The following GAREM1 variants were observed in gnomAD, a reference collection of about 807,000 sequenced individuals.
GAREM1 encodes the protein GRB2 associated regulator of MAPK1 subtype 1, also known as GRB2-associated and regulator of MAPK protein 1.
A neutral mutation model predicts 71.3 loss-of-function variants in GAREM1; 26 were observed. The ratio of observed to expected loss-of-function variants is 0.36; its 90% CI spans 0.27 to 0.51. The LOEUF is 0.51. Among genes scored for constraint, GAREM1 ranks in the 20% least tolerant of loss-of-function variants. The pLI, the probability that GAREM1 is intolerant of heterozygous loss-of-function variation, is 0.95. For missense variants in GAREM1, 1,026 were observed against 1,103.1 expected, an observed-to-expected ratio of 0.93 and a Z score of 0.99; for synonymous variants, 440 against 433.2, an observed-to-expected ratio of 1.02 and a Z score of -0.20.
intron 1 of GAREM1, among the ~76,000 whole-genome samples, chr18:32,424,555 T>C (rs752830476): frequency 1.3e-5 from 2 of 152,160 alleles, no homozygotes; most frequent in Non-Finnish European, 2.9e-5. Context: ...GTCTGATACA[T>C]TTCAAACCAA....
chr18:32,333,133 A>G (rs1480975025), intron 2 of GAREM1, among the ~76,000 whole-genome samples: 1 of 151,520 alleles, frequency 6.6e-6, no homozygotes, highest in African/African-American at 2.4e-5. Flanking sequence ...CAGGAGGGTT[A>G]GGTTTTCTGT....
intron 1 of GAREM1, among the ~76,000 whole-genome samples, chr18:32,396,193 TA>T (rs958719557): frequency 5.9e-5 from 9 of 151,956 alleles, no homozygotes; most frequent in African/African-American, 2.2e-4. Flanking sequence ...CAAAAGTAGA[TA>T]AAACCACAAA....
At chr18:32,361,920 A>G (rs1367719228) in intron 2 of GAREM1, among the ~76,000 whole-genome samples, 5 of 152,228 alleles carry the variant, frequency 3.3e-5, no homozygotes, top group Admixed American at 3.3e-4. Flanking sequence ...ATATCTTTAC[A>G]TGAGTGTGTA....
chr18:32,452,892 T>C (rs1030465471), intron 1 of GAREM1, among the ~76,000 whole-genome samples: 4 of 151,476 alleles, frequency 2.6e-5, no homozygotes, highest in South Asian at 2.1e-4. Flanking sequence ...TTATTAACTA[T>C]AGGGTAGCAA....
chr18:32,352,374 C>T (rs776957888), intron 2 of GAREM1, among the ~76,000 whole-genome samples: 1 of 152,182 alleles, frequency 6.6e-6, no homozygotes, highest in East Asian at 1.9e-4. Context: ...CATCCTGCCT[C>T]GCTGGCCTGA....
chr18:32,462,245 C>T lies in GAREM1; in HGVS notation c.121+8063G>A, dbSNP rs572930732. Among the ~76,000 whole-genome samples the T allele has an allele frequency of 2.6e-5, 4 of 152,346 alleles. No individual in the cohort carries two copies. The South Asian group carries it at 6.2e-4, about 24-fold the overall frequency. ...TGAAATTTACACTCTTACATTCCCA[C>T]CAACAGTATGTAAAGGTTCCCTTTT... On this transcript the variant is annotated intron_variant, in intron 1 of 5. Transcript: ENST00000269209.
chr18:32,418,739 C>T (rs973724961), intron 1 of GAREM1, among the ~76,000 whole-genome samples: 1 of 152,088 alleles, frequency 6.6e-6, no homozygotes, highest in African/African-American at 2.4e-5. Flanking sequence ...GAGTAGGGTT[C>T]TCTTTCATTT....
chr18:32,304,352 AGAGT>A (rs896339912), intron 3 of GAREM1, among the ~76,000 whole-genome samples: 2 of 152,092 alleles, frequency 1.3e-5, no homozygotes, highest in African/African-American at 2.4e-5. Flanking sequence ...AGAAAAAGAA[AGAGT>A]AAGTGAAATA....
intron 1 of GAREM1, among the ~76,000 whole-genome samples, chr18:32,394,208 T>C (rs2048229724): frequency 6.6e-6 from 1 of 152,112 alleles, no homozygotes; most frequent in Non-Finnish European, 1.5e-5. Flanking sequence ...GAGACATGCC[T>C]GGGCAACATG....
intron 4 of GAREM1, among the ~76,000 whole-genome samples, chr18:32,272,627 CTTT>C (rs549844914): frequency 6.9e-6 from 1 of 144,046 alleles, no homozygotes; most frequent in Non-Finnish European, 1.5e-5. Flanking sequence ...ATTCTGGGGT[CTTT>C]TTTTTTTTTG....
chr18:32,284,894 C>T (rs1230799282), intron 4 of GAREM1, among the ~76,000 whole-genome samples: 2 of 151,848 alleles, frequency 1.3e-5, no homozygotes, highest in Non-Finnish European at 2.9e-5. Flanking sequence ...GGACTACAGG[C>T]GCCCGCCACC....
At position 32,427,305 on chromosome 18, in the gene GAREM1, G is replaced by A. The variant is rs146899419; in HGVS notation, c.122-34270C>T. On this transcript the variant is annotated intron_variant, in intron 1 of 5. Coordinates refer to ENST00000269209, the MANE Select transcript of GAREM1 (RefSeq NM_001242409.2). ...TTCTTTTCCAGGAAACATATTAAGT[G>A]TTTAACAGTCAACAGGTATGTAAAT... 3.0e-3 allele frequency among the ~76,000 whole-genome samples: 460 copies of A among 152,262 alleles called. 2 individuals are homozygous for A. The highest frequency in any genetic ancestry group is 5.9e-3 in the Non-Finnish European group (399 of 68,018).
chr18:32,457,245 G>GTA (rs2048904700), intron 1 of GAREM1, among the ~76,000 whole-genome samples: 1 of 151,278 alleles, frequency 6.6e-6, no homozygotes, highest in South Asian at 2.1e-4. Context: ...GTGTGTGTGT[G>GTA]TGTGTGTGTG....
intron 2 of GAREM1, among the ~76,000 whole-genome samples, chr18:32,382,595 A>G (rs544928253): frequency 6.6e-6 from 1 of 152,318 alleles, no homozygotes; most frequent in South Asian, 2.1e-4. Flanking sequence ...GTTTATACTC[A>G]CGTGGGAAAC....
chr18:32,270,897 G>GTTTTTTTTT (rs58914123), intron 4 of GAREM1, among the ~76,000 whole-genome samples: 35 of 92,606 alleles, frequency 3.8e-4, no homozygotes, highest in Non-Finnish European at 5.7e-4. Context: ...GTTCAGGGAT[G>GTTTTTTTTT]TTTTTTTTTT....
At chr18:32,325,978 T>C (rs1344060997) in intron 2 of GAREM1, among the ~76,000 whole-genome samples, 1 of 152,194 alleles carries the variant, frequency 6.6e-6, no homozygotes, top group Non-Finnish European at 1.5e-5. Flanking sequence ...TTGTCATGAA[T>C]GAAAAGGAAT....
intron 1 of GAREM1, among the ~76,000 whole-genome samples, chr18:32,400,269 G>A (rs1200702466): frequency 2.6e-5 from 4 of 152,174 alleles, no homozygotes; most frequent in East Asian, 1.9e-4. Context: ...ATGGGCAAGG[G>A]CTTCATGTCT....
intron 2 of GAREM1, among the ~76,000 whole-genome samples, chr18:32,319,406 T>C: frequency 6.6e-6 from 1 of 152,360 alleles, no homozygotes; most frequent in Middle Eastern, 3.4e-3. Flanking sequence ...GATGAAAATG[T>C]AAAAGTAGGA....
At chr18:32,363,995 C>CATATATATATATAT (rs766095412) in intron 2 of GAREM1, among the ~76,000 whole-genome samples, 1,420 of 21,008 alleles carry the variant, frequency 0.068, 195 homozygotes, top group Non-Finnish European at 0.09. Context: ...TACATATATA[C>CATATATATATATAT]ATATATATAT....
Sources: allele counts gnomAD v4.1 joint callset (sites outside exome capture counted in the v4.1 genomes callset), GRCh38; gene constraint gnomAD v4.1.1; transcripts MANE v1.5; gene names NCBI Gene and HGNC (gene_info 2026-07-23, HGNC 2026-07-21).